Variants in TET3 observed in about 807,000 individuals in gnomAD.
TET3 encodes the protein methylcytosine dioxygenase TET3.
Under a neutral mutation model 141.4 loss-of-function variants are expected in TET3, and 19 were observed. The ratio of observed to expected loss-of-function variants is 0.13; its 90% confidence interval spans 0.09 to 0.20. The LOEUF is 0.20. TET3 is among the 10% of genes least tolerant of loss of function. The probability of loss-of-function intolerance (pLI) is 1.00; values close to 1 mark genes in which losing one functional copy is unlikely to be tolerated. For synonymous variants in TET3, 1,043 were observed against 980.9 expected (o/e 1.06, Z -1.18); for missense variants, 1,874 against 2,356.9 (o/e 0.80, Z 4.24).
chr2:73,986,306 C>G lies in TET3; in HGVS notation c.-98C>G, dbSNP rs1684023309. 1 of 1,117,808 alleles carries G rather than the reference C, an allele frequency of 8.9e-7. No homozygotes were observed. The highest frequency in any genetic ancestry group is 1.1e-6 in the Non-Finnish European group (1 of 884,678). The allele number at this position is 1,117,808 out of a possible 1,614,324, so 69.2% of individuals were successfully genotyped here. A position where few individuals can be genotyped will look rare whatever the true frequency, so the allele number is the denominator to read the frequency against. ...TGCCTTCACCCTTGTAGACTCTTGA[C>G]TGTTCTAGGCGAGAAGGACCTGTTG... On this transcript the variant is annotated 5_prime_UTR_variant, in exon 2 of 12. Coordinates refer to ENST00000409262, the MANE Select transcript of TET3 (RefSeq NM_001287491.2).
At chr2:74,056,576 G>A (rs890542039) in intron 4 of TET3, among the ~76,000 whole-genome samples, 1 of 151,964 alleles carries the variant, frequency 6.6e-6, no homozygotes, top group Non-Finnish European at 1.5e-5. Flanking sequence ...TTCTCTCAGT[G>A]GTCAAAACAA....
chr2:74,050,549 G>A (rs894240345), intron 4 of TET3, among the ~76,000 whole-genome samples: 7 of 152,082 alleles, frequency 4.6e-5, no homozygotes, highest in South Asian at 2.1e-4. Flanking sequence ...AGGACTTTGC[G>A]GTTTCCTTTT....
chr2:74,126,663 G>A, the TET3 span, among the ~76,000 whole-genome samples: 3 of 151,768 alleles, frequency 2.0e-5, no homozygotes, highest in African/African-American at 4.8e-5. Flanking sequence ...CACCACTCCC[G>A]GCTAATTTTT....
At chr2:73,990,191 G>A (rs1684250854) in intron 2 of TET3, among the ~76,000 whole-genome samples, 1 of 147,046 alleles carries the variant, frequency 6.8e-6, no homozygotes, top group African/African-American at 2.6e-5. Flanking sequence ...ACCAGGCTGG[G>A]CAACATAGCA....
intron 3 of TET3, among the ~76,000 whole-genome samples, chr2:74,034,247 GTTTTT>G (rs71406852): frequency 2.8e-5 from 4 of 143,834 alleles, no homozygotes; most frequent in Non-Finnish European, 6.1e-5. Context: ...CTGTATTATA[GTTTTT>G]TTTTTTATGT....
At chr2:74,123,956 A>T in the TET3 span, among the ~76,000 whole-genome samples, 1 of 135,948 alleles carries the variant, frequency 7.4e-6, no homozygotes, top group African/African-American at 2.8e-5. Flanking sequence ...CTGCCACCCC[A>T]TCTGGGAGGT....
intron 3 of TET3, among the ~76,000 whole-genome samples, chr2:74,008,840 G>A (rs1248424903): frequency 6.6e-6 from 1 of 152,108 alleles, no homozygotes; most frequent in Non-Finnish European, 1.5e-5. Context: ...AGGAAGATTA[G>A]GGTCTAAAGA....
chr2:74,025,202 T>A (rs1341200345), intron 3 of TET3, among the ~76,000 whole-genome samples: 1 of 130,238 alleles, frequency 7.7e-6, no homozygotes, highest in Admixed American at 8.6e-5. Flanking sequence ...CCAGCCTGGG[T>A]GACAAAGCGA....
intron 2 of TET3, among the ~76,000 whole-genome samples, chr2:74,002,234 C>A (rs1458510616): frequency 2.0e-5 from 3 of 152,186 alleles, no homozygotes; most frequent in African/African-American, 7.2e-5. Flanking sequence ...AAGGTTCGTG[C>A]TGCCTGGGCT....
At chr2:74,031,265 C>T (rs904041754) in intron 3 of TET3, among the ~76,000 whole-genome samples, 7 of 151,898 alleles carry the variant, frequency 4.6e-5, no homozygotes, top group Non-Finnish European at 1.0e-4. Flanking sequence ...GACCAGTAAC[C>T]GGCAGGGTCA....
At chr2:74,090,177 T>A (rs1311702307) in intron 8 of TET3, 130 bp downstream of exon 8, 16 of 1,386,962 alleles carry the variant, frequency 1.2e-5, no homozygotes, top group Non-Finnish European at 1.6e-5. Context: ...TTCGTTTTTT[T>A]AAAAGCTGAC....
chr2:74,134,420 CA>C, the TET3 span: 1 of 278,074 alleles, frequency 3.6e-6, no homozygotes, highest in Non-Finnish European at 7.2e-6. Context: ...AACGGGGGCA[CA>C]ATGTATGAAC....
At chr2:74,128,801 G>T in the TET3 span, among the ~76,000 whole-genome samples, 5 of 151,106 alleles carry the variant, frequency 3.3e-5, no homozygotes, top group African/African-American at 4.9e-5. Context: ...GGGCAACATA[G>T]TAAGACCTCA....
chr2:74,006,421 G>A (rs982176499), intron 3 of TET3, among the ~76,000 whole-genome samples: 6 of 152,256 alleles, frequency 3.9e-5, no homozygotes, highest in African/African-American at 1.4e-4. Context: ...TCATGGGAGA[G>A]GGAGAGAGCC....
At chr2:74,098,094 T>C (rs989962515) in intron 10 of TET3, among the ~76,000 whole-genome samples, 1 of 152,178 alleles carries the variant, frequency 6.6e-6, no homozygotes, top group African/African-American at 2.4e-5. Context: ...GGAAAAAATA[T>C]AGGAAAGTTG....
At chr2:74,039,321 TC>T (rs1315516417) in intron 3 of TET3, among the ~76,000 whole-genome samples, 1 of 152,176 alleles carries the variant, frequency 6.6e-6, no homozygotes, top group Non-Finnish European at 1.5e-5. Flanking sequence ...CTCCAGCCTC[TC>T]TGAGATTTCT....
chr2:74,024,791 A>G (rs1284149534), intron 3 of TET3, among the ~76,000 whole-genome samples: 2 of 152,214 alleles, frequency 1.3e-5, no homozygotes, highest in Non-Finnish European at 1.5e-5. Context: ...TTATTTCGGC[A>G]TAATTTCAGA....
chr2:74,056,633 C>T (rs922335761), intron 4 of TET3, among the ~76,000 whole-genome samples: 10 of 152,002 alleles, frequency 6.6e-5, no homozygotes, highest in Admixed American at 5.2e-4. Flanking sequence ...CATTTCCCAG[C>T]GATGCCACTT....
At chr2:74,072,219 C>T (rs1021376001) in intron 4 of TET3, among the ~76,000 whole-genome samples, 1 of 152,254 alleles carries the variant, frequency 6.6e-6, no homozygotes, top group Admixed American at 6.5e-5. Context: ...GGCTTCTTAA[C>T]AAAATGTTTT....
Sources: gnomAD v4.1 joint callset for allele counts (sites outside exome capture counted in the v4.1 genomes callset) on GRCh38, gnomAD v4.1.1 for gene constraint, MANE v1.5 for transcripts, NCBI Gene and HGNC (gene_info 2026-07-23, HGNC 2026-07-21) for gene names.